Variants in CHFR observed in about 807,000 individuals in gnomAD.
The protein encoded by CHFR is checkpoint with forkhead and ring finger domains, also known as E3 ubiquitin-protein ligase CHFR.
A neutral mutation model predicts 87.6 loss-of-function variants in CHFR; 57 were observed. The ratio of observed to expected loss-of-function variants is 0.65; its 90% confidence interval spans 0.53 to 0.81. The LOEUF is 0.81. Among genes scored for constraint, CHFR ranks in the 30% least tolerant of loss-of-function variants. The pLI is 0.00. For missense variants in CHFR, 797 were observed against 865.8 expected, an observed-to-expected ratio of 0.92 and a Z score of 1.00; for synonymous variants, 381 against 359.2, an observed-to-expected ratio of 1.06 and a Z score of -0.69.
intron 2 of CHFR, among the ~76,000 whole-genome samples, chr12:132,886,620 T>C (rs1276533575): frequency 3.3e-5 from 5 of 152,228 alleles, no homozygotes. Flanking sequence ...TGTATGACTT[T>C]GTTCAAGTTT....
chr12:132,877,805 T>A (rs1951663780), intron 2 of CHFR, 151 bp from the exon 3 acceptor site: 15 of 232,652 alleles, frequency 6.4e-5, no homozygotes, highest in South Asian at 1.0e-4. Flanking sequence ...CATAAAGAAA[T>A]TTTTTTTTTT....
In CHFR at chr12:132,855,491, C is replaced by T. The variant is rs141967795; in HGVS notation, c.1229+977G>A. Reference sequence around the variant, plus strand: ...GCCATCCTGGCCAATGTGGTAAAACCCCATCTCTACTAAAAATACAAAAAA... The same window carrying T: ...GCCATCCTGGCCAATGTGGTAAAACTCCATCTCTACTAAAAATACAAAAAA... On this transcript the variant is annotated intron_variant, in intron 10 of 17. Transcript: ENST00000450056. Among the ~76,000 whole-genome samples the T allele has an allele frequency of 2.7e-5, 4 of 148,560 alleles. No homozygotes were observed. In the East Asian group the frequency reaches 6.1e-4, roughly 23 times the overall value.
At chr12:132,844,190 G>T in intron 15 of CHFR, 56 bp from the exon 16 acceptor site, 1 of 1,153,448 alleles carries the variant, frequency 8.7e-7, no homozygotes, top group Non-Finnish European at 1.3e-6. Context: ...AGCAGCGCAC[G>T]GACTTCACAG....
rs755891788 is a variant in CHFR at position 132,848,109 on chromosome 12, G to A, written c.1623C>T (p.Asn541=). ...DKCLDGVLNN[N]SYESDILKNY... is the part of the protein sequence containing the mutation. ...CCTTCAGGATGTCTGACTCGTAGCT[G>A]TTGTTGTTCAGCACGCCGTCCAGAC... The change falls in exon 14 of 18, where the codon AAC becomes AAT. Residue 541 remains asparagine, a synonymous_variant. Transcript: ENST00000450056. 6.2e-7 allele frequency: 1 copy of A among 1,614,144 alleles called. No individual in the cohort carries two copies. Among genetic ancestry groups the A allele is most frequent in the East Asian group, 2.2e-5 (1 of 44,868 alleles).
chr12:132,876,570 A>G (rs1951635513), intron 3 of CHFR, among the ~76,000 whole-genome samples: 1 of 152,208 alleles, frequency 6.6e-6, no homozygotes, highest in South Asian at 2.1e-4. Flanking sequence ...TTAAAAAATG[A>G]TTTTTTGATT....
intron 15 of CHFR, 37 bp downstream of exon 15, chr12:132,847,006 C>T: frequency 6.7e-7 from 1 of 1,495,386 alleles, no homozygotes; most frequent in Admixed American, 1.7e-5. Context: ...TGGACACTCA[C>T]ATGCGCCTTA....
At chr12:132,850,967 A>G (rs1279967332) in intron 12 of CHFR, among the ~76,000 whole-genome samples, 16 of 3,812 alleles carry the variant, frequency 4.2e-3, no homozygotes, top group East Asian at 0.071. Context: ...GTGTGTGCAT[A>G]TATATATATA....
chr12:132,859,759 A>C (rs1593479001), intron 7 of CHFR, among the ~76,000 whole-genome samples: 1 of 152,196 alleles, frequency 6.6e-6, no homozygotes, highest in Non-Finnish European at 1.5e-5. Flanking sequence ...TATTTAGAAG[A>C]AGCCAGGTGC....
chr12:132,843,196 C>G (rs1950738218), intron 16 of CHFR, 113 bp from the exon 17 acceptor site: 1 of 894,016 alleles, frequency 1.1e-6, no homozygotes, highest in Non-Finnish European at 1.8e-6. Context: ...CGCACGGCCT[C>G]TGGTCCCTCC....
chr12:132,861,758 G>T, intron 6 of CHFR, 124 bp from the exon 7 acceptor site: 1 of 822,570 alleles, frequency 1.2e-6, no homozygotes, highest in Non-Finnish European at 1.9e-6. Context: ...GTTTAGGAAT[G>T]ACAAGTGGCT....
At chr12:132,882,881 G>A (rs945032352) in intron 2 of CHFR, 1 of 151,960 alleles carries the variant, frequency 6.6e-6, no homozygotes, top group African/African-American at 2.4e-5. Context: ...AATTTTTTAA[G>A]TTTTTGTAGA....
In CHFR at chr12:132,861,624, A is replaced by AC; in HGVS notation, c.593dup (p.Gly199TrpfsTer6). The AC allele has an allele frequency of 6.2e-7, 1 of 1,613,838 alleles. No homozygotes were observed. The highest frequency in any genetic ancestry group is 1.3e-5 in the African/African-American group (1 of 74,996). On this transcript the variant is annotated frameshift_variant, in exon 7 of 18. Transcript: ENST00000450056. LOFTEE classifies it high-confidence loss of function. ...CACTTCCTTTAGGGGAGATGCCACC[A>AC]CCCCCAGACCCTGTGAGAGGAATCA...
At chr12:132,869,594 A>G (rs1377809218) in intron 6 of CHFR, 25 bp downstream of exon 6, 1 of 1,548,300 alleles carries the variant, frequency 6.5e-7, no homozygotes, top group Admixed American at 2.0e-5. Context: ...AACCAGCACC[A>G]AGACCTCATG....
chr12:132,851,824 G>A (rs1950953458), intron 11 of CHFR, 87 bp from the exon 12 acceptor site: 2 of 1,479,812 alleles, frequency 1.4e-6, no homozygotes, highest in Non-Finnish European at 9.1e-7. Flanking sequence ...AGCACAGCGA[G>A]GAGAGGTGCA....
Position 132,861,490 on chromosome 12 carries a change from G to A in CHFR, c.728C>T (p.Pro243Leu), listed in dbSNP as rs762481129. The change falls in exon 7 of 18, where the codon CCC (proline) becomes CTC (leucine). Residue 243 changes from proline (P) to leucine (L), a missense_variant. By Grantham distance (98) the Pro-to-Leu change is moderately conservative. Coordinates refer to ENST00000450056, the MANE Select transcript of CHFR (RefSeq NM_001161346.2). ...LEPQDQEDLE[P>L]VKKKMRGDGD... ...ACCTCCTCTCATTTTCTTCTTCACGGGCTCCAAATCCTCCTGATCCTGGGG... is the reference window on the plus strand; with the variant it reads ...ACCTCCTCTCATTTTCTTCTTCACGAGCTCCAAATCCTCCTGATCCTGGGG... 12 of 1,614,082 alleles carry A rather than the reference G, an allele frequency of 7.4e-6. No homozygotes were observed. Among genetic ancestry groups the A allele is most frequent in the Admixed American group, 1.7e-5 (1 of 59,990 alleles).
At chr12:132,882,701 A>C (rs539510794) in intron 2 of CHFR, among the ~76,000 whole-genome samples, 1 of 108,496 alleles carries the variant, frequency 9.2e-6, no homozygotes. Flanking sequence ...ATGCCAGAAC[A>C]TCAGGTTTTT....
intron 2 of CHFR, among the ~76,000 whole-genome samples, chr12:132,885,809 T>A (rs1951879002): frequency 6.6e-6 from 1 of 152,184 alleles, no homozygotes; most frequent in African/African-American, 2.4e-5. Context: ...TGTTGACAGA[T>A]TGGAAACCCA....
In CHFR at chr12:132,887,331, G is replaced by C. The variant is rs1200689283; in HGVS notation, c.-3C>G. 6.8e-7 allele frequency: 1 copy of C among 1,460,316 alleles called. No homozygotes were observed. The highest frequency in any genetic ancestry group is 1.3e-5 in the South Asian group (1 of 75,434). 90.5% of individuals were successfully genotyped at this position (1,460,316 alleles called of 1,614,324 possible). On this transcript the variant is annotated 5_prime_UTR_variant, in exon 2 of 18. Transcript: ENST00000450056. ...TTGCCTTCCTCGGGCCGCTCCATCGGGATTCACATCTGCGGAGACCCCGGA... is the reference window on the plus strand; with the variant it reads ...TTGCCTTCCTCGGGCCGCTCCATCGCGATTCACATCTGCGGAGACCCCGGA...
At chr12:132,855,571 G>A (rs923360349) in intron 10 of CHFR, among the ~76,000 whole-genome samples, 9 of 152,002 alleles carry the variant, frequency 5.9e-5, no homozygotes, top group African/African-American at 1.9e-4. Flanking sequence ...AGAGGCTGAG[G>A]CAGGAGAATC....
Sources: gnomAD v4.1 joint callset for allele counts (sites outside exome capture counted in the v4.1 genomes callset) on GRCh38, gnomAD v4.1.1 for gene constraint, MANE v1.5 for transcripts, NCBI Gene and HGNC (gene_info 2026-07-23, HGNC 2026-07-21) for gene names.